Variants in SLC18B1 observed in about 807,000 individuals in gnomAD.
The protein encoded by SLC18B1 is solute carrier family 18 member B1, also known as MFS-type transporter SLC18B1.
Under a neutral mutation model 53.9 loss-of-function variants are expected in SLC18B1, and 62 were observed. That is an observed-to-expected ratio of 1.15 (90% CI 0.94 to 1.42). SLC18B1 has a LOEUF of 1.42. Among genes scored for constraint, SLC18B1 ranks in the 40% most tolerant of loss-of-function variants. SLC18B1 has a pLI of 0.00. For synonymous variants in SLC18B1, 217 were observed against 200.9 expected (o/e 1.08, Z -0.68); for missense variants, 598 against 547.3 (o/e 1.09, Z -0.93).
Position 132,772,999 on chromosome 6 carries a change from C to T in SLC18B1, c.1079G>A (p.Cys360Tyr), listed in dbSNP as rs140430563. 4 of 1,612,508 alleles carry T rather than the reference C, an allele frequency of 2.5e-6. No homozygotes were observed. The highest frequency in any genetic ancestry group is 3.4e-6 in the Non-Finnish European group (4 of 1,178,640). Residue 360 changes from cysteine (C) to tyrosine (Y), a missense_variant, in exon 10 of 14, where the codon TGT becomes TAT. Cys to Tyr is a radical substitution (Grantham distance 194). Transcript: ENST00000275227. ...IIPTFPEILS[C>Y]AHENGFEEGL... The stretch of plus-strand genomic sequence containing the variant: ...AGCAATGGAAGTAACTTACTGTGCA[C>T]AACTGAGAATTTCCGGGAAAGTTGG...
chr6:132,792,343 GGAAGGAAGGAAGGGAA>G (rs1562271628), intron 2 of SLC18B1, among the ~76,000 whole-genome samples: 1 of 100,568 alleles, frequency 9.9e-6, no homozygotes, highest in Admixed American at 9.0e-5. Flanking sequence ...AAGGAAGGAA[GGAAGGAAGGAAGGGAA>G]AGAAAGAAAA....
At chr6:132,778,882 G>T (rs1165149878) in intron 7 of SLC18B1, among the ~76,000 whole-genome samples, 1 of 152,154 alleles carries the variant, frequency 6.6e-6, no homozygotes, top group Admixed American at 6.5e-5. Flanking sequence ...ACCCAGGGGG[G>T]ATCTGTTATA....
chr6:132,797,429 C>G (rs529574063), intron 1 of SLC18B1, among the ~76,000 whole-genome samples: 1 of 152,294 alleles, frequency 6.6e-6, no homozygotes, highest in South Asian at 2.1e-4. Flanking sequence ...GAAACCCCGT[C>G]TCTACTAAAA....
At position 132,773,033 on chromosome 6, in the gene SLC18B1, T is replaced by A. The variant is rs138248703; in HGVS notation, c.1045A>T (p.Ser349Cys). Residue 349 changes from serine to cysteine, a missense_variant, in exon 10 of 14, where the codon AGT (serine) becomes TGT (cysteine). By Grantham distance (112) the Ser-to-Cys change is moderately radical (BLOSUM62 -1). Transcript: ENST00000275227. Reference sequence around the variant, plus strand: ...ATTTCCGGGAAAGTTGGAATTATACTCATTCCAGCAGAGAGGCCACTTACA... The same window carrying A: ...ATTTCCGGGAAAGTTGGAATTATACACATTCCAGCAGAGAGGCCACTTACA... ...LVVSGLSAGM[S>C]IIPTFPEILS... The A allele has an allele frequency of 1.7e-5, 28 of 1,613,818 alleles. No homozygotes were observed. In the African/African-American group the frequency reaches 3.3e-4, roughly 19 times the overall value.
rs369775892 is a variant in SLC18B1 at position 132,771,112 on chromosome 6, G to T, written c.1178C>A (p.Thr393Lys). ...TTTCTCATACAGAAATCCACCCAGC[G>T]TTGGTCCCATAAAAGCACTAACAAT... ...MWSIGAFMGP[T>K]LGGFLYEKIG... Residue 393 changes from threonine (T) to lysine (K), a missense_variant, in exon 12 of 14, where the codon ACG (threonine) becomes AAG (lysine). Transcript: ENST00000275227. The T allele has an allele frequency of 1.9e-6, 3 of 1,613,994 alleles. No homozygotes were observed. Among genetic ancestry groups the T allele is most frequent in the Non-Finnish European group, 1.7e-6 (2 of 1,179,986 alleles).
At chr6:132,776,224 A>G (rs1781094699) in intron 8 of SLC18B1, 104 bp downstream of exon 8, 2 of 843,890 alleles carry the variant, frequency 2.4e-6, no homozygotes, top group East Asian at 2.7e-5. Flanking sequence ...CCAATTGAAT[A>G]TATCAAGTCT....
At chr6:132,778,991 G>A (rs1234925076) in intron 7 of SLC18B1, among the ~76,000 whole-genome samples, 5 of 152,174 alleles carry the variant, frequency 3.3e-5, no homozygotes, top group Admixed American at 6.5e-5. Context: ...AAGCAGCACG[G>A]ATGATGCCCA....
Position 132,798,509 on chromosome 6 carries a change from G to A in SLC18B1, c.-53C>T. On this transcript the variant is annotated 5_prime_UTR_variant, in exon 1 of 14. Transcript: ENST00000275227. ...GCTCCCGGCTTCAAGCCACGTCCTT[G>A]GACTCGACCTCCAAGGAGCCACTGG... The A allele has an allele frequency of 4.2e-6, 6 of 1,420,838 alleles. No homozygotes were observed. Among genetic ancestry groups the A allele is most frequent in the Non-Finnish European group, 4.6e-6 (5 of 1,079,296 alleles). 88.0% of individuals were successfully genotyped at this position (1,420,838 alleles called of 1,614,324 possible).
At chr6:132,797,374 C>T (rs961358311) in intron 1 of SLC18B1, among the ~76,000 whole-genome samples, 12 of 152,138 alleles carry the variant, frequency 7.9e-5, no homozygotes, top group Non-Finnish European at 1.6e-4. Context: ...CCGAGGCAGG[C>T]GGATCACGAG....
At chr6:132,798,303 T>C in intron 1 of SLC18B1, 111 bp downstream of exon 1, 1 of 1,214,672 alleles carries the variant, frequency 8.2e-7, no homozygotes, top group Non-Finnish European at 1.1e-6. Flanking sequence ...CCCCAGCCTT[T>C]TCCAATCTCT....
chr6:132,791,942 T>C (rs1781532619), intron 2 of SLC18B1, among the ~76,000 whole-genome samples: 1 of 151,882 alleles, frequency 6.6e-6, no homozygotes, highest in Non-Finnish European at 1.5e-5. Context: ...AAGAAAAATA[T>C]GCGTGCCGGG....
At chr6:132,789,670 G>A (rs1781472708) in intron 4 of SLC18B1, 94 bp downstream of exon 4, 1 of 866,152 alleles carries the variant, frequency 1.2e-6, no homozygotes, top group Non-Finnish European at 1.9e-6. Context: ...GACAATAAAT[G>A]GAACCATTGA....
rs145870539 is a variant in SLC18B1 at position 132,771,819 on chromosome 6, C to G, written c.1160+313G>C. Among the ~76,000 whole-genome samples, 809 of 152,282 alleles carry G rather than the reference C, an allele frequency of 5.3e-3. 4 individuals carry two copies. Among genetic ancestry groups the G allele is most frequent in the African/African-American group, 0.019 (780 of 41,554 alleles). On this transcript the variant is annotated intron_variant, in intron 11 of 13. Transcript: ENST00000275227. The stretch of plus-strand genomic sequence containing the variant: ...GAATGAAATTAAATGAGGCTGGGCA[C>G]AGTGGCTCATGCCTGTAATCCCAGC...
chr6:132,777,861 A>T (rs1781138073), intron 7 of SLC18B1, among the ~76,000 whole-genome samples: 1 of 152,362 alleles, frequency 6.6e-6, no homozygotes, highest in Non-Finnish European at 1.5e-5. Context: ...ATCTAAATGG[A>T]CTGTGTCAGT....
At chr6:132,785,925 A>G (rs1329020016) in intron 5 of SLC18B1, among the ~76,000 whole-genome samples, 2 of 151,282 alleles carry the variant, frequency 1.3e-5, no homozygotes, top group Admixed American at 6.6e-5. Flanking sequence ...AAGAAAGAAA[A>G]AAAGAAAAAA....
At chr6:132,787,899 C>T (rs777873758) in intron 4 of SLC18B1, among the ~76,000 whole-genome samples, 31 of 152,184 alleles carry the variant, frequency 2.0e-4, no homozygotes, top group Non-Finnish European at 3.4e-4. Flanking sequence ...CAGTGGCTCA[C>T]GCCTGTAATC....
intron 1 of SLC18B1, among the ~76,000 whole-genome samples, chr6:132,798,174 G>A (rs1474259557): frequency 6.6e-6 from 1 of 152,198 alleles, no homozygotes; most frequent in African/African-American, 2.4e-5. Context: ...TAAACACACA[G>A]TACTTAAAAA....
intron 2 of SLC18B1, among the ~76,000 whole-genome samples, chr6:132,794,738 T>C (rs2114689429): frequency 6.6e-6 from 1 of 152,310 alleles, no homozygotes; most frequent in East Asian, 1.9e-4. Context: ...GGCTCACACC[T>C]GTAATCCCAG....
intron 6 of SLC18B1, among the ~76,000 whole-genome samples, chr6:132,781,481 G>A (rs1263026763): frequency 2.6e-5 from 4 of 151,690 alleles, no homozygotes; most frequent in African/African-American, 4.8e-5. Flanking sequence ...GAAAAGGGCC[G>A]GGCACGGTGG....
Sources: gnomAD v4.1 joint callset for allele counts (sites outside exome capture counted in the v4.1 genomes callset) on GRCh38, gnomAD v4.1.1 for gene constraint, MANE v1.5 for transcripts, NCBI Gene and HGNC (gene_info 2026-07-23, HGNC 2026-07-21) for gene names.